ATG4A: variants seen among roughly 807,000 people sequenced by gnomAD.
ATG4A encodes the protein cysteine protease ATG4A.
A neutral mutation model predicts 38.4 loss-of-function variants in ATG4A; 22 were observed. The ratio of observed to expected loss-of-function variants is 0.57; its 90% CI spans 0.41 to 0.82. The LOEUF is 0.82. Among genes scored for constraint, ATG4A ranks in the 40% least tolerant of loss-of-function variants. The probability of loss-of-function intolerance (pLI) is 0.00; values close to 1 mark genes in which losing one functional copy is unlikely to be tolerated. For synonymous variants in ATG4A, 86 were observed against 100.7 expected, an observed-to-expected ratio of 0.85 and a Z score of 0.88; for missense variants, 220 against 290.0, an observed-to-expected ratio of 0.76 and a Z score of 1.75.
At chrX:108,114,228 T>C (rs1331633953) in intron 1 of ATG4A, among the ~76,000 whole-genome samples, 5 of 111,928 alleles carry the variant, frequency 4.5e-5, no homozygotes, top group African/African-American at 1.6e-4. Flanking sequence ...CAAGCTCTTA[T>C]TAAACGCTTA....
At chrX:108,104,857 A>C (rs2032123182) in intron 1 of ATG4A, among the ~76,000 whole-genome samples, 1 of 109,016 alleles carries the variant, frequency 9.2e-6, no homozygotes, top group Non-Finnish European at 1.9e-5. Flanking sequence ...ATCATTTCAA[A>C]TAACTTGTCT....
At chrX:108,099,344 T>C (rs932878417) in intron 1 of ATG4A, among the ~76,000 whole-genome samples, 8 of 111,701 alleles carry the variant, frequency 7.2e-5, no homozygotes, top group African/African-American at 2.6e-4. Context: ...TTGTATTGTA[T>C]TGTTTGTTTT....
chrX:108,094,622 GT>G (rs1366755975), intron 1 of ATG4A, among the ~76,000 whole-genome samples: 2 of 112,070 alleles, frequency 1.8e-5, no homozygotes, highest in Non-Finnish European at 3.8e-5. Flanking sequence ...CTGGCATTAT[GT>G]GTTTGGAAGA....
In ATG4A at chrX:108,098,596, A is replaced by G. The variant is rs1056670362; in HGVS notation, c.10+6760A>G. Among the ~76,000 whole-genome samples, 10 of 110,983 alleles carry G rather than the reference A, an allele frequency of 9.0e-5. No individual in the cohort carries two copies. The Admixed American group carries it at 9.6e-4, about 11-fold the overall frequency. On this transcript the variant is annotated intron_variant, in intron 1 of 12. Transcript: ENST00000372232. ...CATTATCGCAATCAAGAAATATTCC[A>G]TCTCTCCTGTGCTACCTCTTTATAG...
intron 6 of ATG4A, 61 bp downstream of exon 6, chrX:108,134,472 CAACTA>C: frequency 1.9e-6 from 2 of 1,029,543 alleles, no homozygotes; most frequent in Non-Finnish European, 2.7e-6. Context: ...CCTCCCTAGA[CAACTA>C]AACCTCCCAT....
intron 9 of ATG4A, among the ~76,000 whole-genome samples, chrX:108,141,039 CAT>C (rs1245408971): frequency 2.0e-4 from 10 of 49,432 alleles, no homozygotes; most frequent in African/African-American, 3.1e-4. Context: ...TACATATATA[CAT>C]ATATATACAT....
intron 1 of ATG4A, among the ~76,000 whole-genome samples, chrX:108,098,401 G>A (rs757470533): frequency 5.6e-4 from 62 of 111,453 alleles, no homozygotes; most frequent in Admixed American, 2.7e-3. Context: ...TAAGAGACTC[G>A]CAATAATTTG....
intron 9 of ATG4A, among the ~76,000 whole-genome samples, chrX:108,148,486 A>T (rs1218172641): frequency 1.0e-5 from 1 of 98,764 alleles, no homozygotes; most frequent in Non-Finnish European, 2.0e-5. Flanking sequence ...AAAAAAAATG[A>T]TGCAGCTTGT....
At chrX:108,130,421 C>G (rs146408851) in intron 3 of ATG4A, among the ~76,000 whole-genome samples, 2,903 of 112,472 alleles carry the variant, frequency 0.026, 89 homozygotes, top group African/African-American at 0.089. Flanking sequence ...GTGGGATTTT[C>G]TTTGCATAAG....
At chrX:108,136,457 C>T (rs1036142841) in intron 6 of ATG4A, among the ~76,000 whole-genome samples, 8 of 111,659 alleles carry the variant, frequency 7.2e-5, no homozygotes, top group African/African-American at 2.6e-4. Context: ...TCCTACAGTT[C>T]AGCATGGTGG....
At chrX:108,122,674 T>C (rs2032686852) in intron 1 of ATG4A, among the ~76,000 whole-genome samples, 1 of 111,760 alleles carries the variant, frequency 8.9e-6, no homozygotes, top group Admixed American at 9.5e-5. Context: ...TGTAAGACTT[T>C]ATTTATTTGG....
At chrX:108,104,343 A>T (rs760899822) in intron 1 of ATG4A, among the ~76,000 whole-genome samples, 4 of 111,518 alleles carry the variant, frequency 3.6e-5, no homozygotes, top group Non-Finnish European at 7.5e-5. Context: ...GTGGTGAAGA[A>T]ATTCTTCAGC....
At chrX:108,106,981 A>G (rs2147969010) in intron 1 of ATG4A, among the ~76,000 whole-genome samples, 1 of 111,856 alleles carries the variant, frequency 8.9e-6, no homozygotes, top group African/African-American at 3.2e-5. Flanking sequence ...GCTATTCCAC[A>G]TGTATACACA....
chrX:108,089,090 T>C (rs2031533615), upstream of ATG4A, among the ~76,000 whole-genome samples: 1 of 112,479 alleles, frequency 8.9e-6, no homozygotes, highest in South Asian at 3.6e-4. Context: ...AGGAAAGTAG[T>C]AGAGCAAGAA....
At chrX:108,132,790 G>A (rs1287083538) in intron 4 of ATG4A, among the ~76,000 whole-genome samples, 3 of 100,394 alleles carry the variant, frequency 3.0e-5, no homozygotes, top group East Asian at 3.1e-4. Context: ...GAAGTAGGGA[G>A]CAAACTGGAA....
intron 1 of ATG4A, among the ~76,000 whole-genome samples, chrX:108,115,782 G>A (rs2032491036): frequency 8.9e-6 from 1 of 112,029 alleles, no homozygotes; most frequent in East Asian, 2.8e-4. Context: ...ACTAGAGTAG[G>A]TATGATAAAA....
rs2033148343 is a variant in ATG4A, at chrX:108,137,927, TG to T, written c.672del (p.Leu225SerfsTer9). 8.3e-7 allele frequency: 1 copy of T among 1,206,246 alleles called. No individual in the cohort carries two copies. The highest frequency in any genetic ancestry group is 2.2e-5 in the Admixed American group (1 of 45,250). On this transcript the variant is annotated frameshift_variant, in exon 8 of 13. Transcript: ENST00000372232. LOFTEE classifies it high-confidence loss of function. ...SAYCSAWKPL[L>X]LIVPLRLGIN... is the part of the protein sequence containing the mutation. ...TACTGCTCAGCCTGGAAACCCCTGC[TG>T]CTCATTGTGCCCCTTCGCCTGGGCA...
chrX:108,106,292 G>T (rs1332843456), intron 1 of ATG4A, among the ~76,000 whole-genome samples: 1 of 111,080 alleles, frequency 9.0e-6, no homozygotes, highest in Non-Finnish European at 1.9e-5. Flanking sequence ...GAAATACTTT[G>T]CTATAGAAAC....
At position 108,131,905 on chromosome X, in the gene ATG4A, AT is replaced by A. The variant is rs1198737768; in HGVS notation, c.292+559del. 5.7e-4 allele frequency among the ~76,000 whole-genome samples: 59 copies of A among 103,982 alleles called. 1 individual carries two copies. The highest frequency in any genetic ancestry group is 1.6e-3 in the Admixed American group (15 of 9,658). The allele number at this position is 103,982 out of a possible 115,157, so 90.3% of individuals were successfully genotyped here. A position where few individuals can be genotyped will look rare whatever the true frequency, so the allele number is the denominator to read the frequency against. On this transcript the variant is annotated intron_variant, in intron 4 of 12. Coordinates refer to ENST00000372232, the MANE Select transcript of ATG4A (RefSeq NM_052936.5). ...CCTTCTGATAATGGTTGTTGGAACT[AT>A]TTTTTTTTTTTGAGTCGGAGTTTCG...
Sources: gnomAD v4.1 joint callset for allele counts (sites outside exome capture counted in the v4.1 genomes callset) on GRCh38, gnomAD v4.1.1 for gene constraint, MANE v1.5 for transcripts, NCBI Gene and HGNC (gene_info 2026-07-23, HGNC 2026-07-21) for gene names.